KDR: variants seen among roughly 807,000 people sequenced by gnomAD.
The protein encoded by KDR is kinase insert domain receptor.
A neutral mutation model predicts 160.9 loss-of-function variants in KDR; 43 were observed. The ratio of observed to expected loss-of-function variants is 0.27; its 90% confidence interval spans 0.21 to 0.34. The LOEUF (loss-of-function observed/expected upper bound fraction) is 0.34, where lower values mean the gene tolerates loss of function less well. Ranked by LOEUF, KDR falls within the 10% of genes least tolerant of loss-of-function variation. The pLI is 1.00. For missense variants in KDR, 1,469 were observed against 1,666.4 expected (o/e 0.88, Z 2.06); for synonymous variants, 617 against 600.1 (o/e 1.03, Z -0.41).
intron 1 of KDR, among the ~76,000 whole-genome samples, chr4:55,124,218 C>CT (rs539598707): frequency 0.01 from 1,526 of 149,046 alleles, 11 homozygotes; most frequent in South Asian, 0.041. Flanking sequence ...AATTATTCGA[C>CT]TTTTTTTTTT....
At chr4:55,082,070 T>G in intron 28 of KDR, 29 bp from the exon 29 acceptor site, 5 of 1,418,722 alleles carry the variant, frequency 3.5e-6, no homozygotes, top group Non-Finnish European at 5.0e-6. Flanking sequence ...GATGGCACAG[T>G]TAATTGAGCA....
Position 55,110,624 on chromosome 4 carries a change from T to A in KDR, c.1091+30A>T, listed in dbSNP as rs2110027794. 3.1e-6 allele frequency: 5 copies of A among 1,612,826 alleles called. No homozygotes were observed. The South Asian group carries it at 4.4e-5, about 14-fold the overall frequency. On this transcript the variant is annotated intron_variant, in intron 8 of 29. Coordinates refer to ENST00000263923, the MANE Select transcript of KDR (RefSeq NM_002253.4). The stretch of plus-strand genomic sequence containing the variant: ...TCAAAGGATTTGCTCTCACACGAAA[T>A]GATGCTTTGCATTTATTTCCAGTAG...
At chr4:55,096,383 AT>A in intron 18 of KDR, 41 bp from the exon 19 acceptor site, 2 of 1,334,332 alleles carry the variant, frequency 1.5e-6, no homozygotes, top group Non-Finnish European at 2.1e-6. Context: ...AGGTATGGAC[AT>A]TTCCTTCAAT....
intron 13 of KDR, among the ~76,000 whole-genome samples, chr4:55,102,829 A>T (rs964175864): frequency 1.3e-5 from 2 of 152,170 alleles, no homozygotes; most frequent in Non-Finnish European, 2.9e-5. Flanking sequence ...CCTCCCATGA[A>T]GATTCTAGTC....
At position 55,104,923 on chromosome 4, in the gene KDR, C is replaced by A. The variant is rs752419161; in HGVS notation, c.1707G>T (p.Leu569Phe). 20 of 1,613,754 alleles carry A rather than the reference C, an allele frequency of 1.2e-5. No homozygotes were observed. Among genetic ancestry groups the A allele is most frequent in the Non-Finnish European group, 1.6e-5 (19 of 1,179,838 alleles). ...ACGTAGATCTGTCTGCAGTGCACCA[C>A]AAAGACACGCTCTCCTGCTCAGTGG... is the stretch of plus-strand genomic sequence containing the variant. Reference protein sequence around the residue: ...MQPTEQESVSLWCTADRSTFE... With the variant: ...MQPTEQESVSFWCTADRSTFE... The change falls in exon 13 of 30, where the codon TTG becomes TTT. Residue 569 changes from leucine to phenylalanine, a missense_variant. By Grantham distance (22) the Leu-to-Phe change is conservative. Transcript: ENST00000263923.
intron 17 of KDR, 29 bp downstream of exon 17, chr4:55,098,106 AAT>A (rs1439140228): frequency 6.2e-7 from 1 of 1,613,370 alleles, no homozygotes. Flanking sequence ...TGGTAAACAC[AAT>A]ATCAAATTAA....
Position 55,096,239 on chromosome 4 carries a change from G to T in KDR, c.2718C>A (p.Thr906=). 6.2e-7 allele frequency: 1 copy of T among 1,607,520 alleles called. No homozygotes were observed. Among genetic ancestry groups the T allele is most frequent in the Non-Finnish European group, 8.5e-7 (1 of 1,174,476 alleles). ...CCCACAGTTACTCACCTCCTGGCTT[G>T]GTACAGGCACCTAGAAGGTTGACCA... ...LNVVNLLGAC[T]KPGGPLMVIV... The change falls in exon 19 of 30, where the codon ACC becomes ACA. Residue 906 remains threonine (T), a synonymous_variant. Coordinates refer to ENST00000263923, the MANE Select transcript of KDR (RefSeq NM_002253.4).
intron 18 of KDR, 26 bp from the exon 19 acceptor site, chr4:55,096,368 A>C (rs1720156382): frequency 6.6e-7 from 1 of 1,511,992 alleles, no homozygotes; most frequent in Admixed American, 1.7e-5. Flanking sequence ...AAAGAGGGAA[A>C]TCATAGGTAT....
intron 1 of KDR, 145 bp from the exon 2 acceptor site, chr4:55,121,335 T>G (rs1720868446): frequency 1.5e-6 from 1 of 670,272 alleles, no homozygotes; most frequent in African/African-American, 1.8e-5. Context: ...TTTTCACCAT[T>G]CTCAGTAAAA....
Position 55,104,645 on chromosome 4 carries a change from A to G in KDR, c.1985T>C (p.Leu662Pro), listed in dbSNP as rs1214707836. 7 of 1,612,758 alleles carry G rather than the reference A, an allele frequency of 4.3e-6. No homozygotes were observed. Among genetic ancestry groups the G allele is most frequent in the African/African-American group, 1.3e-5 (1 of 74,860 alleles). Residue 662 changes from leucine (L) to proline (P), a missense_variant and splice_region_variant, in exon 13 of 30, where the codon CTA becomes CCA. By Grantham distance (98) the Leu-to-Pro change is moderately conservative. Coordinates refer to ENST00000263923, the MANE Select transcript of KDR (RefSeq NM_002253.4). ...ATGATCCAGAATTGTCTCCCTACCTAGGACTGTGAGCTGCCTGACCACGCA... is the reference window on the plus strand; with the variant it reads ...ATGATCCAGAATTGTCTCCCTACCTGGGACTGTGAGCTGCCTGACCACGCA... ...RHCVVRQLTV[L>P]ERVAPTITGN...
At chr4:55,104,524 G>A (rs1720389074) in intron 13 of KDR, 119 bp downstream of exon 13, 2 of 788,042 alleles carry the variant, frequency 2.5e-6, no homozygotes, top group Admixed American at 2.0e-5. Context: ...GTGAAGAAGT[G>A]TGCACCAGTT....
rs115574475 is a variant in KDR at position 55,093,320 on chromosome 4, T to C, written c.2972-606A>G. Among the ~76,000 whole-genome samples, 1,048 of 152,346 alleles carry C rather than the reference T, an allele frequency of 6.9e-3. 11 individuals carry two copies. The highest frequency in any genetic ancestry group is 0.024 in the African/African-American group (1,011 of 41,578). On this transcript the variant is annotated intron_variant, in intron 21 of 29. Transcript: ENST00000263923. ...AAGATAAATTTACGTAAATTGGTGG[T>C]ATTTACTTCAGTGCAACTGGTACAA...
At chr4:55,116,435 A>T (rs1338577545) in intron 3 of KDR, among the ~76,000 whole-genome samples, 3 of 148,654 alleles carry the variant, frequency 2.0e-5, no homozygotes, top group South Asian at 2.3e-4. Context: ...AAAAAAAAAA[A>T]AGATTTCAAG....
In KDR at chr4:55,096,344, T is replaced by A; in HGVS notation, c.2615-2A>T. On this transcript the variant is annotated splice_acceptor_variant, in intron 18 of 29. Transcript: ENST00000263923. LOFTEE classifies it high-confidence loss of function. ...GATGCTCACTGTGTGTTGCTCCTTC[T>A]ACAAATACAGTACAAAGAGGGAAAT... The A allele has an allele frequency of 6.2e-7, 1 of 1,600,374 alleles. No homozygotes were observed. The highest frequency in any genetic ancestry group is 2.2e-5 in the East Asian group (1 of 44,758).
Position 55,093,991 on chromosome 4 carries a change from G to A in KDR, c.2971+811C>T, listed in dbSNP as rs1264913407. ...GAGGCAGGCGGATCACCTGAGATCA[G>A]GAGTTCGAGACCAGCCTGGCCAACA... is the stretch of plus-strand genomic sequence containing the variant. On this transcript the variant is annotated intron_variant, in intron 21 of 29. Transcript: ENST00000263923. 6.6e-5 allele frequency among the ~76,000 whole-genome samples: 10 copies of A among 152,088 alleles called. No homozygotes were observed. In the East Asian group the frequency reaches 1.9e-3, roughly 30 times the overall value.
chr4:55,082,060 G>A lies in KDR; in HGVS notation c.3763-19C>T, dbSNP rs745915381. 22 of 1,511,120 alleles carry A rather than the reference G, an allele frequency of 1.5e-5. No individual in the cohort carries two copies. Among genetic ancestry groups the A allele is most frequent in the Middle Eastern group, 1.7e-4 (1 of 5,878 alleles). 93.6% of individuals were successfully genotyped at this position (1,511,120 alleles called of 1,614,324 possible). ...GGTTGTCCTTTTTAAGAGACAATGA[G>A]ATGGCACAGTTAATTGAGCATATAA... On this transcript the variant is annotated intron_variant, in intron 28 of 29. Transcript: ENST00000263923.
intron 6 of KDR, 86 bp from the exon 7 acceptor site, chr4:55,113,567 G>A (rs1441195959): frequency 8.1e-7 from 1 of 1,233,436 alleles, no homozygotes; most frequent in Admixed American, 1.8e-5. Context: ...TTAAATCTGG[G>A]CTTTGGTAAA....
chr4:55,081,866 TA>T, intron 29 of KDR, 89 bp downstream of exon 29: 1 of 831,696 alleles, frequency 1.2e-6, no homozygotes, highest in Non-Finnish European at 2.1e-6. Flanking sequence ...AAAGACCCCA[TA>T]GGGAAAATTC....
Position 55,082,562 on chromosome 4 carries a change from C to T in KDR, c.3736G>A (p.Glu1246Lys), listed in dbSNP as rs2110005835. The T allele has an allele frequency of 6.2e-7, 1 of 1,613,462 alleles. No homozygotes were observed. The highest frequency in any genetic ancestry group is 8.5e-7 in the Non-Finnish European group (1 of 1,179,452). The part of the protein sequence containing the change: ...VKTFEDIPLE[E>K]PEVKVIPDDN... The stretch of plus-strand genomic sequence containing the variant: ...TCTGGGATTACTTTTACTTCTGGTT[C>T]TTCTAACGGGATATCTTCAAATGTT... Residue 1246 changes from glutamate to lysine, a missense_variant, in exon 28 of 30, where the codon GAA becomes AAA. Physicochemically the swap from Glu to Lys is moderately conservative, Grantham distance 56. Transcript: ENST00000263923.
Sources: allele counts gnomAD v4.1 joint callset (sites outside exome capture counted in the v4.1 genomes callset), GRCh38; gene constraint gnomAD v4.1.1; transcripts MANE v1.5; gene names NCBI Gene and HGNC (gene_info 2026-07-23, HGNC 2026-07-21).